The following SCN1B variants were observed in gnomAD, a reference collection of about 807,000 sequenced individuals.
SCN1B encodes sodium channel regulatory subunit beta-1.
Under a neutral mutation model 25.7 loss-of-function variants are expected in SCN1B, and 11 were observed. That is an observed-to-expected ratio of 0.43 (90% CI 0.27 to 0.71). The LOEUF is 0.71. SCN1B is among the 30% of genes least tolerant of loss of function. The probability of loss-of-function intolerance (pLI) is 0.21; values close to 1 mark genes in which losing one functional copy is unlikely to be tolerated. For missense variants in SCN1B, 224 were observed against 291.5 expected, an observed-to-expected ratio of 0.77 and a Z score of 1.69; for synonymous variants, 119 against 117.5, an observed-to-expected ratio of 1.01 and a Z score of -0.08.
chr19:35,036,053 A>C (rs1251248999), intron 3 of SCN1B: 1 of 149,068 alleles, frequency 6.7e-6, no homozygotes, highest in South Asian at 2.1e-4. Context: ...TTTTTTGTAG[A>C]GACTGGATCT....
intron 1 of SCN1B, 75 bp downstream of exon 1, chr19:35,030,935 G>T: frequency 4.2e-6 from 1 of 240,892 alleles, no homozygotes; most frequent in South Asian, 1.5e-4. Flanking sequence ...TGGCGCTCGG[G>T]ACACGGGGCA....
chr19:35,039,403 G>T (rs762434192), intron 4 of SCN1B, 145 bp downstream of exon 4: 1 of 1,200,908 alleles, frequency 8.3e-7, no homozygotes. Context: ...AGTGCTCCCT[G>T]TCAGACACAG....
chr19:35,034,122 A>T, intron 3 of SCN1B: 1 of 1,551,456 alleles, frequency 6.4e-7, no homozygotes, highest in Non-Finnish European at 8.7e-7. Flanking sequence ...CATGGGGTTC[A>T]TGAGGATTGA....
Position 35,033,969 on chromosome 19 carries a change from C to T in SCN1B, c.448+230C>T, listed in dbSNP as rs769132369. On this transcript the variant is annotated intron_variant, in intron 3 of 5. Transcript: ENST00000262631. ...GCATGCCTGTCCCCCACAGACGCTC[C>T]GGGTACAGAACCCAGCTCTGTCACC... 88 of 1,552,052 alleles carry T rather than the reference C, an allele frequency of 5.7e-5. No homozygotes were observed. Among genetic ancestry groups the T allele is most frequent in the Non-Finnish European group, 7.2e-5 (83 of 1,147,104 alleles).
chr19:35,037,882 T>TC (rs1428145821), intron 3 of SCN1B: 3 of 151,658 alleles, frequency 2.0e-5, no homozygotes, highest in African/African-American at 7.3e-5. Context: ...TTGCTTGAGC[T>TC]CAGGAGTTCC....
Position 35,030,731 on chromosome 19 carries a change from A to G in SCN1B, c.-90A>G, listed in dbSNP as rs1265667795. On this transcript the variant is annotated 5_prime_UTR_variant, in exon 1 of 6. Coordinates refer to ENST00000262631, the MANE Select transcript of SCN1B (RefSeq NM_001037.5). ...CTGCTGCGCCCGCGCGCTCCCGGGG[A>G]CATTCTAACCGCCGCCAGGTCCCGC... 2 of 365,562 alleles carry G rather than the reference A, an allele frequency of 5.5e-6. No homozygotes were observed. Among genetic ancestry groups the G allele is most frequent in the African/African-American group, 2.3e-5 (1 of 44,354 alleles). The allele number at this position is 365,562 out of a possible 1,614,324, so 22.6% of individuals were successfully genotyped here. A position where few individuals can be genotyped will look rare whatever the true frequency, so the allele number is the denominator to read the frequency against.
chr19:35,036,732 C>CTA (rs1555721122), intron 3 of SCN1B: 1 of 144,454 alleles, frequency 6.9e-6, no homozygotes, highest in African/African-American at 2.6e-5. Flanking sequence ...CATGCCCAGC[C>CTA]TATTATTATT....
In SCN1B at chr19:35,030,876, G is replaced by A; in HGVS notation, c.40+16G>A. On this transcript the variant is annotated intron_variant, in intron 1 of 5. Transcript: ENST00000262631. Reference sequence around the variant, plus strand: ...GCGGCACTGGGTGAGTGCGCGGGGGGCGCGCGCGGCCGGGGGGCACCGCGG... The same window carrying A: ...GCGGCACTGGGTGAGTGCGCGGGGGACGCGCGCGGCCGGGGGGCACCGCGG... 5 of 641,682 alleles carry A rather than the reference G, an allele frequency of 7.8e-6. No homozygotes were observed. The highest frequency in any genetic ancestry group is 1.0e-5 in the Non-Finnish European group (5 of 489,712). The allele number at this position is 641,682 out of a possible 1,614,324, so 39.7% of individuals were successfully genotyped here.
At chr19:35,034,110 A>G in intron 3 of SCN1B, 5 of 1,551,532 alleles carry the variant, frequency 3.2e-6, no homozygotes, top group Non-Finnish European at 4.4e-6. Flanking sequence ...CCATTCTTCC[A>G]TCATGGGGTT....
intron 1 of SCN1B, chr19:35,031,521 A>C (rs1371850629): frequency 1.8e-4 from 28 of 152,312 alleles, no homozygotes; most frequent in Admixed American, 1.8e-3. Flanking sequence ...ATAGACGTAG[A>C]AAGGTGGAAA....
At chr19:35,039,074 A>C in intron 3 of SCN1B, 43 bp from the exon 4 acceptor site, 3 of 1,611,396 alleles carry the variant, frequency 1.9e-6, no homozygotes, top group Non-Finnish European at 2.5e-6. Flanking sequence ...TCAGGCTGTC[A>C]TGCAGCCTGG....
intron 3 of SCN1B, chr19:35,035,509 C>T (rs1373629588): frequency 3.3e-5 from 5 of 152,058 alleles, no homozygotes; most frequent in African/African-American, 7.3e-5. Context: ...AGGCTGGTCT[C>T]GAACTCCTGA....
chr19:35,038,746 TGAA>T, intron 3 of SCN1B: 1 of 352,362 alleles, frequency 2.8e-6, no homozygotes, highest in South Asian at 2.4e-5. Context: ...AGCACTCTGA[TGAA>T]GGAGGTATTC....
Position 35,033,742 on chromosome 19 carries a change from GAGTCGGGTGC to G in SCN1B, c.448+4_448+13del. 6.2e-7 allele frequency: 1 copy of G among 1,614,152 alleles called. No individual in the cohort carries two copies. ...CCACATTGAGGTAGTGGACAAAGGT[GAGTCGGGTGC>G]TGCCTGCCCCTTTACCGTCACCCAC... On this transcript the variant is annotated splice_donor_5th_base_variant and intron_variant, in intron 3 of 5. Coordinates refer to ENST00000262631, the MANE Select transcript of SCN1B (RefSeq NM_001037.5).
chr19:35,031,020 G>C (rs886878157), intron 1 of SCN1B, among the ~76,000 whole-genome samples, 160 bp downstream of exon 1: 1 of 152,058 alleles, frequency 6.6e-6, no homozygotes, highest in East Asian at 2.0e-4. Context: ...CGCGGGAGCC[G>C]GGCTTGGGGA....
At chr19:35,034,923 T>G (rs1010169285) in intron 3 of SCN1B, 1 of 152,238 alleles carries the variant, frequency 6.6e-6, no homozygotes, top group Non-Finnish European at 1.5e-5. Context: ...CCTGTGGGTT[T>G]CTTTTTATAA....
intron 1 of SCN1B, among the ~76,000 whole-genome samples, chr19:35,031,074 C>T (rs941005814): frequency 6.6e-5 from 10 of 151,720 alleles, no homozygotes; most frequent in African/African-American, 2.4e-4. Context: ...GGGGGCCGGG[C>T]TGGCACAGCC....
At position 35,039,176 on chromosome 19, in the gene SCN1B, T is replaced by G. The variant is rs748491132; in HGVS notation, c.508T>G (p.Leu170Val). The G allele has an allele frequency of 1.2e-6, 2 of 1,614,176 alleles. No individual in the cohort carries two copies. The highest frequency in any genetic ancestry group is 1.7e-6 in the Non-Finnish European group (2 of 1,180,016). Residue 170 changes from leucine (L) to valine (V), a missense_variant, in exon 4 of 6, where the codon TTG becomes GTG. Leu to Val is a conservative substitution (Grantham distance 32). Around this residue, in one of 3 missense-constraint regions of SCN1B, gnomAD observed 126 missense variants for 204.9 expected, o/e 0.61. Coordinates refer to ENST00000262631, the MANE Select transcript of SCN1B (RefSeq NM_001037.5). ...CATGATGTATGTGCTCATTGTGGTG[T>G]TGACCATATGGCTCGTGGCAGAGAT... The part of the protein sequence containing the change: ...EIMMYVLIVV[L>V]TIWLVAEMIY...
rs2064230211 is a variant in SCN1B at position 35,033,754 on chromosome 19, G to A, written c.448+15G>A. The stretch of plus-strand genomic sequence containing the variant: ...AGTGGACAAAGGTGAGTCGGGTGCT[G>A]CCTGCCCCTTTACCGTCACCCACCG... On this transcript the variant is annotated intron_variant, in intron 3 of 5. Transcript: ENST00000262631. The A allele has an allele frequency of 1.2e-6, 2 of 1,613,854 alleles. No individual in the cohort carries two copies. Among genetic ancestry groups the A allele is most frequent in the South Asian group, 1.1e-5 (1 of 91,090 alleles).
Sources: allele counts gnomAD v4.1 joint callset (sites outside exome capture counted in the v4.1 genomes callset), GRCh38; gene constraint gnomAD v4.1.1; regional missense constraint gnomAD v4.1.1; transcripts MANE v1.5; gene names NCBI Gene and HGNC (gene_info 2026-07-23, HGNC 2026-07-21).